ANKRD63: variants seen among roughly 807,000 people sequenced by gnomAD.
The protein encoded by ANKRD63 is ankyrin repeat domain 63, also known as ankyrin repeat domain-containing protein 63.
Under a neutral mutation model 21.2 loss-of-function variants are expected in ANKRD63, and 18 were observed. That is an observed-to-expected ratio of 0.85 (90% confidence interval 0.59 to 1.26). The LOEUF is 1.26. ANKRD63 is among the 50% of genes most tolerant of loss of function. The pLI is 0.00. For missense variants in ANKRD63, 523 were observed against 570.9 expected (o/e 0.92, Z 0.85); for synonymous variants, 322 against 273.3 (o/e 1.18, Z -1.76).
rs1751662301 is a variant in ANKRD63 at position 40,282,737 on chromosome 15, C to T, written c.-151G>A. On this transcript the variant is annotated 5_prime_UTR_variant, in exon 1 of 1. Transcript: ENST00000434396. ...AGCCGAGGGTCCCGAGGTTCCTACT[C>T]CGCTGTCCCGGAGGCTCCGACTGCC... Among the ~76,000 whole-genome samples, 1 of 152,202 alleles carries T rather than the reference C, an allele frequency of 6.6e-6. No homozygotes were observed. Among genetic ancestry groups the T allele is most frequent in the Non-Finnish European group, 1.5e-5 (1 of 68,020 alleles).
chr15:40,281,935 G>C lies in ANKRD63; in HGVS notation c.652C>G (p.Leu218Val). 7.6e-7 allele frequency: 1 copy of C among 1,320,914 alleles called. No homozygotes were observed. The highest frequency in any genetic ancestry group is 3.2e-5 in the East Asian group (1 of 31,610). 81.8% of individuals were successfully genotyped at this position (1,320,914 alleles called of 1,614,324 possible). A position where few individuals can be genotyped will look rare whatever the true frequency, so the allele number is the denominator to read the frequency against. The change falls in exon 1 of 1, where the codon CTC becomes GTC. Residue 218 changes from leucine to valine, a missense_variant. This residue lies in a region of ANKRD63 where 308 missense variants were observed against 290.4 expected (regional missense o/e 1.06). Transcript: ENST00000434396. Reference protein sequence around the residue: ...RPSPRRLPRPLLARFARAAGG... With the variant: ...RPSPRRLPRPVLARFARAAGG... ...GCCGCTCGCGCAAAGCGCGCCAGGA[G>C]AGGCCGCGGGAGGCGGCGGGGGCTG...
Position 40,282,596 on chromosome 15 carries a change from C to G in ANKRD63, c.-10G>C. On this transcript the variant is annotated 5_prime_UTR_variant, in exon 1 of 1. Coordinates refer to ENST00000434396, the MANE Select transcript of ANKRD63 (RefSeq NM_001190479.3). ...CCTTGGGTTTGAGCATGGCCCCGGC[C>G]GCCGCGCCCGGGCAGCCTGGCAGTT... 7.3e-7 allele frequency: 1 copy of G among 1,376,854 alleles called. No individual in the cohort carries two copies. Among genetic ancestry groups the G allele is most frequent in the Non-Finnish European group, 9.3e-7 (1 of 1,070,840 alleles). 85.3% of individuals were successfully genotyped at this position (1,376,854 alleles called of 1,614,324 possible).
Position 40,282,440 on chromosome 15 carries a change from C to T in ANKRD63, c.147G>A (p.Thr49=), listed in dbSNP as rs1381607226. Residue 49 remains threonine, a synonymous_variant, in exon 1 of 1, where the codon ACG becomes ACA. Coordinates refer to ENST00000434396, the MANE Select transcript of ANKRD63 (RefSeq NM_001190479.3). ...IIDCRAEQGR[T]PLMVAVGLPD... is the part of the protein sequence containing the mutation. ...GCAGCCCCACGGCCACCATGAGCGG[C>T]GTACGGCCCTGCTCCGCGCGGCAGT... 2.6e-6 allele frequency: 4 copies of T among 1,517,898 alleles called. No homozygotes were observed. The highest frequency in any genetic ancestry group is 5.2e-5 in the East Asian group (2 of 38,506). The allele number at this position is 1,517,898 out of a possible 1,614,324, so 94.0% of individuals were successfully genotyped here. A position where few individuals can be genotyped will look rare whatever the true frequency, so the allele number is the denominator to read the frequency against.
At position 40,280,969 on chromosome 15, in the gene ANKRD63, T is replaced by TG. The variant is rs770085629; in HGVS notation, c.*474dup. On this transcript the variant is annotated 3_prime_UTR_variant, in exon 1 of 1. Coordinates refer to ENST00000434396, the MANE Select transcript of ANKRD63 (RefSeq NM_001190479.3). ...CTCCGTCCTTTCCTTCTCCCACACT[T>TG]GGAGGGAAAGGAGACTTTGGTAGTT... Among the ~76,000 whole-genome samples the TG allele has an allele frequency of 2.0e-5, 3 of 152,116 alleles. No homozygotes were observed. Among genetic ancestry groups the TG allele is most frequent in the Non-Finnish European group, 4.4e-5 (3 of 68,010 alleles).
In ANKRD63 at chr15:40,281,085, A is replaced by G. The variant is rs2039536202; in HGVS notation, c.*359T>C. ...GACCCTTCTATTTACCTGGCTGCCC[A>G]GTTGTTGGGAAACCCAGCGAGGGGA... is the stretch of plus-strand genomic sequence containing the variant. On this transcript the variant is annotated 3_prime_UTR_variant, in exon 1 of 1. Transcript: ENST00000434396. Among the ~76,000 whole-genome samples, 1 of 152,154 alleles carries G rather than the reference A, an allele frequency of 6.6e-6. No homozygotes were observed. Among genetic ancestry groups the G allele is most frequent in the African/African-American group, 2.4e-5 (1 of 41,446 alleles).
In ANKRD63 at chr15:40,282,650, C is replaced by T; in HGVS notation, c.-64G>A. ...CACGGGGGCGCCCCTGTTCTCGCGC[C>T]CCGCGGGGCTCCGGCCTCCGCCCGC... On this transcript the variant is annotated 5_prime_UTR_variant, in exon 1 of 1. Transcript: ENST00000434396. 3.2e-6 allele frequency: 4 copies of T among 1,263,992 alleles called. No individual in the cohort carries two copies. Among genetic ancestry groups the T allele is most frequent in the Non-Finnish European group, 4.1e-6 (4 of 981,480 alleles). The allele number at this position is 1,263,992 out of a possible 1,614,324, so 78.3% of individuals were successfully genotyped here.
At position 40,280,668 on chromosome 15, in the gene ANKRD63, A is replaced by G. The variant is rs2039531290; in HGVS notation, c.*776T>C. On this transcript the variant is annotated 3_prime_UTR_variant, in exon 1 of 1. Transcript: ENST00000434396. ...GAATTCAAATGCATCTGAGCTGAAG[A>G]GCGGGCTGGCTCTGGAGCCCGGAGT... Among the ~76,000 whole-genome samples the G allele has an allele frequency of 6.6e-6, 1 of 152,174 alleles. No homozygotes were observed. The highest frequency in any genetic ancestry group is 6.5e-5 in the Admixed American group (1 of 15,284).
In ANKRD63 at chr15:40,281,791, C is replaced by G; in HGVS notation, c.796G>C (p.Glu266Gln). 1.3e-6 allele frequency: 2 copies of G among 1,535,082 alleles called. No individual in the cohort carries two copies. The highest frequency in any genetic ancestry group is 8.7e-7 in the Non-Finnish European group (1 of 1,146,532). ...GCCCGCAGGCGGGCAGCCTCCTCCT[C>G]GGTTACCGCACCTAGAGCCAGGCTC... is the stretch of plus-strand genomic sequence containing the variant. ...SMSLALGAVT[E>Q]EEAARLRAGA... is the part of the protein sequence containing the mutation. The change falls in exon 1 of 1, where the codon GAG (glutamate) becomes CAG (glutamine). Residue 266 changes from glutamate (E) to glutamine (Q), a missense_variant. Around this residue, in one of 2 missense-constraint regions of ANKRD63, gnomAD observed 308 missense variants for 290.4 expected, o/e 1.06. Transcript: ENST00000434396.
chr15:40,283,014 G>A lies in ANKRD63; in HGVS notation c.-428C>T, dbSNP rs902513021. On this transcript the variant is annotated 5_prime_UTR_variant, in exon 1 of 1. Coordinates refer to ENST00000434396, the MANE Select transcript of ANKRD63 (RefSeq NM_001190479.3). ...CCCCCGCTCCCCCGCAGCGACGGTGGCGCCCGCCGTGCACGCCTGCCTCCA... is the reference window on the plus strand; with the variant it reads ...CCCCCGCTCCCCCGCAGCGACGGTGACGCCCGCCGTGCACGCCTGCCTCCA... Among the ~76,000 whole-genome samples the A allele has an allele frequency of 6.6e-6, 1 of 152,176 alleles. No individual in the cohort carries two copies. The highest frequency in any genetic ancestry group is 2.4e-5 in the African/African-American group (1 of 41,456).
rs1379646155 is a variant in ANKRD63, at chr15:40,282,077, C to T, written c.510G>A (p.Val170=). 7.3e-7 allele frequency: 1 copy of T among 1,361,394 alleles called. No individual in the cohort carries two copies. The highest frequency in any genetic ancestry group is 3.1e-5 in the East Asian group (1 of 32,128). The allele number at this position is 1,361,394 out of a possible 1,614,324, so 84.3% of individuals were successfully genotyped here. Residue 170 remains valine, a synonymous_variant, in exon 1 of 1, where the codon GTG becomes GTA. Coordinates refer to ENST00000434396, the MANE Select transcript of ANKRD63 (RefSeq NM_001190479.3). The part of the protein sequence containing the change: ...LAAARGHGTC[V]QALTGPWGRA... ...GGCCCCAGGGCCCGGTGAGGGCCTGCACACAGGTCCCGTGGCCGCGGGCGG... is the reference window on the plus strand; with the variant it reads ...GGCCCCAGGGCCCGGTGAGGGCCTGTACACAGGTCCCGTGGCCGCGGGCGG...
At position 40,279,185 on chromosome 15, in the gene ANKRD63, A is replaced by T. The variant is rs1169209555; in HGVS notation, c.*2259T>A. 6.6e-6 allele frequency among the ~76,000 whole-genome samples: 1 copy of T among 152,150 alleles called. No homozygotes were observed. The highest frequency in any genetic ancestry group is 1.5e-5 in the Non-Finnish European group (1 of 68,014). Reference sequence around the variant, plus strand: ...GGAGAGGCAGATGTTTTGGGAGAAGAGGGGAGGGAGAGGGCAGAATACCTC... The same window carrying T: ...GGAGAGGCAGATGTTTTGGGAGAAGTGGGGAGGGAGAGGGCAGAATACCTC... On this transcript the variant is annotated 3_prime_UTR_variant, in exon 1 of 1. Coordinates refer to ENST00000434396, the MANE Select transcript of ANKRD63 (RefSeq NM_001190479.3).
Position 40,282,292 on chromosome 15 carries a change from C to A in ANKRD63, c.295G>T (p.Ala99Ser), listed in dbSNP as rs961123104. Residue 99 changes from alanine to serine, a missense_variant, in exon 1 of 1, where the codon GCC becomes TCC. Coordinates refer to ENST00000434396, the MANE Select transcript of ANKRD63 (RefSeq NM_001190479.3). ...SLACERGHLD[A>S]VQLLVQFSGD... ...CTGAACTGCACCAGCAGCTGCACGG[C>A]GTCCAGGTGGCCTCGCTCGCACGCC... 1 of 1,519,144 alleles carries A rather than the reference C, an allele frequency of 6.6e-7. No individual in the cohort carries two copies. The highest frequency in any genetic ancestry group is 8.8e-7 in the Non-Finnish European group (1 of 1,141,056). The allele number at this position is 1,519,144 out of a possible 1,614,324, so 94.1% of individuals were successfully genotyped here.
In ANKRD63 at chr15:40,281,547, T is replaced by TCTAACTCCGGGCCACTCTCTAACTC; in HGVS notation, c.1039_1040insGAGTTAGAGAGTGGCCCGGAGTTAG (p.Glu347GlyfsTer67). On this transcript the variant is annotated frameshift_variant, in exon 1 of 1. Coordinates refer to ENST00000434396, the MANE Select transcript of ANKRD63 (RefSeq NM_001190479.3). LOFTEE classifies it high-confidence loss of function. Reference sequence around the variant, plus strand: ...GTTGGCCTCTAACTCCGGGCCACTCTCGGGCCCTGGCGCCTCCCCGACCAG... The same window carrying TCTAACTCCGGGCCACTCTCTAACTC: ...GTTGGCCTCTAACTCCGGGCCACTCTCTAACTCCGGGCCACTCTCTAACTCCGGGCCCTGGCGCCTCCCCGACCAG... The TCTAACTCCGGGCCACTCTCTAACTC allele has an allele frequency of 2.0e-6, 3 of 1,530,472 alleles. No individual in the cohort carries two copies. The highest frequency in any genetic ancestry group is 2.6e-6 in the Non-Finnish European group (3 of 1,144,238). The allele number at this position is 1,530,472 out of a possible 1,614,324, so 94.8% of individuals were successfully genotyped here.
rs1478267841 is a variant in ANKRD63, at chr15:40,282,339, C to T, written c.248G>A (p.Arg83His). 8 of 1,512,182 alleles carry T rather than the reference C, an allele frequency of 5.3e-6. No homozygotes were observed. Among genetic ancestry groups the T allele is most frequent in the Non-Finnish European group, 2.6e-6 (3 of 1,138,474 alleles). The allele number at this position is 1,512,182 out of a possible 1,614,324, so 93.7% of individuals were successfully genotyped here. ...CGCCAGGCTGAGTGCGGTGCGGCCG[C>T]GCTCGTCTCGCAGGTTCACTGCAGC... ...QGAAVNLRDE[R>H]GRTALSLACE... Residue 83 changes from arginine to histidine, a missense_variant, in exon 1 of 1, where the codon CGC (arginine) becomes CAC (histidine). Transcript: ENST00000434396.
Position 40,280,805 on chromosome 15 carries a change from C to T in ANKRD63, c.*639G>A, listed in dbSNP as rs1464191969. 6.6e-6 allele frequency among the ~76,000 whole-genome samples: 1 copy of T among 152,216 alleles called. No individual in the cohort carries two copies. ...ACCCAGGAGCTGATTCAAGGGACAACTGGTGTTCAACACTAGGGACTCTCC... is the reference window on the plus strand; with the variant it reads ...ACCCAGGAGCTGATTCAAGGGACAATTGGTGTTCAACACTAGGGACTCTCC... On this transcript the variant is annotated 3_prime_UTR_variant, in exon 1 of 1. Coordinates refer to ENST00000434396, the MANE Select transcript of ANKRD63 (RefSeq NM_001190479.3).
rs932819209 is a variant in ANKRD63, at chr15:40,278,708, G to A, written c.*2736C>T. Among the ~76,000 whole-genome samples, 4 of 152,180 alleles carry A rather than the reference G, an allele frequency of 2.6e-5. No individual in the cohort carries two copies. The highest frequency in any genetic ancestry group is 4.4e-5 in the Non-Finnish European group (3 of 68,026). On this transcript the variant is annotated 3_prime_UTR_variant, in exon 1 of 1. Coordinates refer to ENST00000434396, the MANE Select transcript of ANKRD63 (RefSeq NM_001190479.3). ...TGCACAGAGCCGGGCCTGGGAAGGA[G>A]TCTGTATGTATGGACAGCAAGGCAG...
rs2039518205 is a variant in ANKRD63 at position 40,279,457 on chromosome 15, G to A, written c.*1987C>T. Among the ~76,000 whole-genome samples the A allele has an allele frequency of 6.6e-6, 1 of 152,228 alleles. No individual in the cohort carries two copies. The highest frequency in any genetic ancestry group is 2.1e-4 in the South Asian group (1 of 4,836). On this transcript the variant is annotated 3_prime_UTR_variant, in exon 1 of 1. Transcript: ENST00000434396. ...GATTTAATATTCTACAAGAGGAAGA[G>A]GATTCCACGATAAATGCACATGGAT... is the stretch of plus-strand genomic sequence containing the variant.
rs1396940132 is a variant in ANKRD63 at position 40,281,632 on chromosome 15, C to T, written c.955G>A (p.Gly319Ser). 5 of 1,525,900 alleles carry T rather than the reference C, an allele frequency of 3.3e-6. No homozygotes were observed. The highest frequency in any genetic ancestry group is 2.6e-6 in the Non-Finnish European group (3 of 1,141,594). 94.5% of individuals were successfully genotyped at this position (1,525,900 alleles called of 1,614,324 possible). A position where few individuals can be genotyped will look rare whatever the true frequency, so the allele number is the denominator to read the frequency against. ...PIGLSPHPEGGPGSGRLGLRR... is the reference protein window; with the variant it reads ...PIGLSPHPEGSPGSGRLGLRR... ...AAACCCAGGCGGCCAGAGCCGGGGC[C>T]GCCCTCCGGGTGGGGACTGAGGCCA... Residue 319 changes from glycine to serine, a missense_variant, in exon 1 of 1, where the codon GGC (glycine) becomes AGC (serine). By Grantham distance (56) the Gly-to-Ser change is moderately conservative. Around this residue, in one of 2 missense-constraint regions of ANKRD63, gnomAD observed 308 missense variants for 290.4 expected, o/e 1.06. Transcript: ENST00000434396.
Position 40,280,627 on chromosome 15 carries a change from T to C in ANKRD63, c.*817A>G, listed in dbSNP as rs1438540341. 6.6e-6 allele frequency among the ~76,000 whole-genome samples: 1 copy of C among 152,164 alleles called. No homozygotes were observed. Reference sequence around the variant, plus strand: ...GGCTTGGGCCTCCAGGGGTGAGGTGTTGAACCTCGATGATGGAATTCAAAT... The same window carrying C: ...GGCTTGGGCCTCCAGGGGTGAGGTGCTGAACCTCGATGATGGAATTCAAAT... On this transcript the variant is annotated 3_prime_UTR_variant, in exon 1 of 1. Transcript: ENST00000434396.
Sources: allele counts gnomAD v4.1 joint callset (sites outside exome capture counted in the v4.1 genomes callset), GRCh38; gene constraint gnomAD v4.1.1; regional missense constraint gnomAD v4.1.1; transcripts MANE v1.5; gene names NCBI Gene and HGNC (gene_info 2026-07-23, HGNC 2026-07-21).